ARB2A: variants seen among roughly 807,000 people sequenced by gnomAD.
The protein encoded by ARB2A is ARB2 cotranscriptional regulator A.
chr5:93,634,900 G>A, the ARB2A span, among the ~76,000 whole-genome samples: 2 of 151,850 alleles, frequency 1.3e-5, no homozygotes, highest in South Asian at 4.2e-4. Flanking sequence ...TCAGCCTCCC[G>A]AGTAGCTGGG....
At chr5:93,950,896 A>C in the ARB2A span, among the ~76,000 whole-genome samples, 108,322 of 149,808 alleles carry the variant, frequency 0.72, 40,806 homozygotes, top group South Asian at 0.86. Context: ...GCGAGATTAA[A>C]TCATTCCACA....
At chr5:93,921,495 G>A in the ARB2A span, among the ~76,000 whole-genome samples, 4 of 152,018 alleles carry the variant, frequency 2.6e-5, no homozygotes, top group Admixed American at 2.0e-4. Context: ...AAGAGGCAAC[G>A]GACATGTTCT....
At chr5:93,817,015 G>C in the ARB2A span, among the ~76,000 whole-genome samples, 88 of 150,988 alleles carry the variant, frequency 5.8e-4, no homozygotes, top group African/African-American at 2.1e-3. Flanking sequence ...AGATTGAAAA[G>C]GAAGAAGTAA....
chr5:94,074,362 T>G, the ARB2A span, among the ~76,000 whole-genome samples: 1 of 152,050 alleles, frequency 6.6e-6, no homozygotes, highest in Non-Finnish European at 1.5e-5. Context: ...GCACTAGCCT[T>G]GATTCAAAAA....
chr5:94,050,950 T>C, the ARB2A span: 1 of 696,496 alleles, frequency 1.4e-6, no homozygotes, highest in Non-Finnish European at 2.2e-6. Flanking sequence ...AGTTTATCTT[T>C]TTCATTAGAT....
the ARB2A span, among the ~76,000 whole-genome samples, chr5:94,007,519 T>G: frequency 2.0e-5 from 3 of 152,140 alleles, no homozygotes; most frequent in Admixed American, 2.0e-4. Context: ...ACATCTGTAA[T>G]CCTAGCACTT....
At chr5:93,839,390 G>C in the ARB2A span, among the ~76,000 whole-genome samples, 1 of 152,150 alleles carries the variant, frequency 6.6e-6, no homozygotes, top group Non-Finnish European at 1.5e-5. Context: ...ATGCCTACTT[G>C]ATTGTGGTGG....
At chr5:93,865,591 A>AAC in the ARB2A span, 1 of 985,404 alleles carries the variant, frequency 1.0e-6, no homozygotes, top group African/African-American at 1.7e-5. Flanking sequence ...AGCATACGGA[A>AAC]ACAATTAGGA....
the ARB2A span, among the ~76,000 whole-genome samples, chr5:93,790,161 G>A: frequency 1.3e-4 from 20 of 152,158 alleles, no homozygotes; most frequent in Non-Finnish European, 2.2e-4. Context: ...GCTTTATCAG[G>A]TGAATGTCAT....
chr5:93,779,124 T>TGTGC, the ARB2A span, among the ~76,000 whole-genome samples: 912 of 146,356 alleles, frequency 6.2e-3, no homozygotes, highest in Middle Eastern at 0.014. Flanking sequence ...TGTGTGTGTG[T>TGTGC]GCGCGCGCGC....
chr5:94,051,469 G>A, the ARB2A span, among the ~76,000 whole-genome samples: 19 of 152,222 alleles, frequency 1.2e-4, 1 homozygote, highest in African/African-American at 3.4e-4. Flanking sequence ...AGATCTTTAC[G>A]GATAATGACT....
chr5:93,810,213 A>G, the ARB2A span, among the ~76,000 whole-genome samples: 2 of 150,796 alleles, frequency 1.3e-5, no homozygotes, highest in East Asian at 1.9e-4. Flanking sequence ...TTTTTTTTAA[A>G]CCCAATTAGA....
the ARB2A span, among the ~76,000 whole-genome samples, chr5:93,920,448 A>G: frequency 6.6e-6 from 1 of 152,116 alleles, no homozygotes. Flanking sequence ...TTATATGCAG[A>G]ATATTTTGAA....
At chr5:93,788,710 T>C in the ARB2A span, among the ~76,000 whole-genome samples, 2 of 152,222 alleles carry the variant, frequency 1.3e-5, no homozygotes, top group Non-Finnish European at 2.9e-5. Context: ...TATGATTTAA[T>C]TTAACTTATA....
the ARB2A span, among the ~76,000 whole-genome samples, chr5:93,666,037 T>TA: frequency 1.3e-5 from 2 of 152,258 alleles, no homozygotes; most frequent in East Asian, 3.9e-4. Flanking sequence ...GAATGCGTGA[T>TA]AAAAATGGCA....
the ARB2A span, among the ~76,000 whole-genome samples, chr5:93,907,072 T>G: frequency 6.6e-6 from 1 of 151,362 alleles, no homozygotes; most frequent in African/African-American, 2.4e-5. Flanking sequence ...AAAGTATGGT[T>G]TGGGATGCTA....
chr5:93,742,225 T>C, the ARB2A span, among the ~76,000 whole-genome samples: 1 of 152,120 alleles, frequency 6.6e-6, no homozygotes, highest in Admixed American at 6.5e-5. Context: ...CCATGTTTCT[T>C]CCCCTAGCCT....
chr5:93,703,231 G>A, the ARB2A span, among the ~76,000 whole-genome samples: 1 of 152,242 alleles, frequency 6.6e-6, no homozygotes, highest in East Asian at 1.9e-4. Flanking sequence ...TGCTACCATG[G>A]CAAACCTTCA....
the ARB2A span, among the ~76,000 whole-genome samples, chr5:94,080,036 C>T: frequency 6.6e-6 from 1 of 152,042 alleles, no homozygotes; most frequent in Non-Finnish European, 1.5e-5. Context: ...TAAGATGATT[C>T]TCTATTCTGA....
Sources: gnomAD v4.1 joint callset for allele counts (sites outside exome capture counted in the v4.1 genomes callset) on GRCh38, gnomAD v4.1.1 for gene constraint, MANE v1.5 for transcripts, NCBI Gene and HGNC (gene_info 2026-07-23, HGNC 2026-07-21) for gene names.